EPHA6: variants seen among roughly 807,000 people sequenced by gnomAD.
EPHA6 encodes the protein EPH receptor A6.
Under a neutral mutation model 112.0 loss-of-function variants are expected in EPHA6, and 50 were observed. The ratio of observed to expected loss-of-function variants is 0.45; its 90% confidence interval spans 0.36 to 0.56. The LOEUF (loss-of-function observed/expected upper bound fraction) is 0.56. EPHA6 is among the 20% of genes least tolerant of loss of function. EPHA6 has a pLI of 0.00. For missense variants in EPHA6, 1,280 were observed against 1,417.4 expected (o/e 0.90, Z 1.56); for synonymous variants, 529 against 490.7 (o/e 1.08, Z -1.03).
At chr3:97,230,580 G>T (rs983479209) in intron 4 of EPHA6, among the ~76,000 whole-genome samples, 1 of 152,082 alleles carries the variant, frequency 6.6e-6, no homozygotes, top group African/African-American at 2.4e-5. Flanking sequence ...CTATAGGGCA[G>T]GAAAAATAAT....
chr3:97,358,097 C>T (rs2084177545), intron 5 of EPHA6, among the ~76,000 whole-genome samples: 1 of 152,148 alleles, frequency 6.6e-6, no homozygotes, highest in Admixed American at 6.6e-5. Context: ...TTTCAAGGGT[C>T]AACTGTACCT....
intron 3 of EPHA6, among the ~76,000 whole-genome samples, chr3:97,051,874 G>A (rs2045694627): frequency 1.3e-5 from 2 of 151,954 alleles, no homozygotes; most frequent in South Asian, 4.1e-4. Context: ...TATAGTCTGT[G>A]TATAAGACCA....
chr3:97,540,178 CTACCAACCTTAA>C (rs2092830072), intron 11 of EPHA6, among the ~76,000 whole-genome samples: 1 of 152,224 alleles, frequency 6.6e-6, no homozygotes, highest in African/African-American at 2.4e-5. Flanking sequence ...TTTCTCTCTT[CTACCAACCTTAA>C]TACTTTTTGC....
At chr3:97,660,747 A>G (rs1316534086) in intron 14 of EPHA6, among the ~76,000 whole-genome samples, 1 of 152,098 alleles carries the variant, frequency 6.6e-6, no homozygotes, top group Non-Finnish European at 1.5e-5. Flanking sequence ...TGACAAAGGG[A>G]TTACTTAAAA....
chr3:96,947,540 A>T (rs2041331028), intron 2 of EPHA6, among the ~76,000 whole-genome samples: 1 of 152,122 alleles, frequency 6.6e-6, no homozygotes, highest in South Asian at 2.1e-4. Flanking sequence ...ATTGGTCTAT[A>T]TCTCTGTTTT....
At chr3:97,581,384 A>T (rs2093436231) in intron 11 of EPHA6, among the ~76,000 whole-genome samples, 2 of 152,212 alleles carry the variant, frequency 1.3e-5, no homozygotes, top group Non-Finnish European at 2.9e-5. Flanking sequence ...TACATGTTGT[A>T]ACTCCCATTT....
intron 15 of EPHA6, among the ~76,000 whole-genome samples, chr3:97,728,293 G>A (rs2034874009): frequency 6.6e-6 from 1 of 151,716 alleles, no homozygotes; most frequent in Admixed American, 6.6e-5. Flanking sequence ...CTTGGGAAAT[G>A]GCACTAAGTC....
chr3:97,300,245 A>AAAAAAATTTATTG (rs2081038547), intron 5 of EPHA6, among the ~76,000 whole-genome samples: 1 of 152,192 alleles, frequency 6.6e-6, no homozygotes. Context: ...TGTCTTAAAA[A>AAAAAAATTTATTG]CAGTAAAAAA....
chr3:96,905,995 A>G (rs2107588092), intron 2 of EPHA6, among the ~76,000 whole-genome samples: 1 of 152,246 alleles, frequency 6.6e-6, no homozygotes, highest in South Asian at 2.1e-4. Flanking sequence ...TCTCAAAACT[A>G]TGGCAACAAC....
intron 11 of EPHA6, among the ~76,000 whole-genome samples, chr3:97,533,153 A>T (rs1188381030): frequency 6.6e-6 from 1 of 152,036 alleles, no homozygotes; most frequent in African/African-American, 2.4e-5. Context: ...ATTGCTATAT[A>T]TTCACTTTCA....
At chr3:97,327,837 G>GTA (rs113110868) in intron 5 of EPHA6, among the ~76,000 whole-genome samples, 86 of 144,910 alleles carry the variant, frequency 5.9e-4, no homozygotes, top group South Asian at 3.0e-3. Context: ...GTGTGTGTGT[G>GTA]TATATATATA....
At chr3:96,997,335 G>T (rs1377545661) in intron 3 of EPHA6, among the ~76,000 whole-genome samples, 1 of 151,948 alleles carries the variant, frequency 6.6e-6, no homozygotes, top group Non-Finnish European at 1.5e-5. Context: ...ATCACAACTT[G>T]GCTAACTCTG....
chr3:97,594,530 A>T (rs2093571041), intron 12 of EPHA6, among the ~76,000 whole-genome samples: 1 of 152,180 alleles, frequency 6.6e-6, no homozygotes, highest in Non-Finnish European at 1.5e-5. Context: ...TTCCTGGCTT[A>T]TATCATTTTG....
intron 5 of EPHA6, among the ~76,000 whole-genome samples, chr3:97,371,763 T>G (rs2085069059): frequency 6.6e-6 from 1 of 152,100 alleles, no homozygotes; most frequent in South Asian, 2.1e-4. Flanking sequence ...ATTCTTTTTC[T>G]CAGTAAGGAA....
At chr3:97,700,203 A>C (rs1431211367) in intron 14 of EPHA6, among the ~76,000 whole-genome samples, 2 of 152,198 alleles carry the variant, frequency 1.3e-5, no homozygotes, top group East Asian at 3.8e-4. Context: ...TATGAAGAAA[A>C]TGTGCTTCAA....
At chr3:97,715,115 A>C (rs1576339605) in intron 14 of EPHA6, among the ~76,000 whole-genome samples, 1 of 152,188 alleles carries the variant, frequency 6.6e-6, no homozygotes, top group African/African-American at 2.4e-5. Flanking sequence ...ATGTAACCTA[A>C]AGTGTGCTTG....
intron 15 of EPHA6, among the ~76,000 whole-genome samples, chr3:97,721,684 CACTTAG>C (rs1300892615): frequency 6.6e-6 from 1 of 152,200 alleles, no homozygotes; most frequent in Non-Finnish European, 1.5e-5. Flanking sequence ...ACCCCCGCAA[CACTTAG>C]ACTTTTTGGA....
intron 5 of EPHA6, among the ~76,000 whole-genome samples, chr3:97,351,178 A>T (rs138655534): frequency 6.6e-6 from 1 of 152,200 alleles, no homozygotes; most frequent in East Asian, 1.9e-4. Context: ...CGATTGAAAG[A>T]TATTAGTTGA....
At chr3:97,252,064 C>CT (rs2108599143) in intron 5 of EPHA6, among the ~76,000 whole-genome samples, 1 of 152,274 alleles carries the variant, frequency 6.6e-6, no homozygotes, top group Admixed American at 6.5e-5. Flanking sequence ...ATATACAAGT[C>CT]TTTTTTCTGT....
Sources: gnomAD v4.1 joint callset for allele counts (sites outside exome capture counted in the v4.1 genomes callset) on GRCh38, gnomAD v4.1.1 for gene constraint, MANE v1.5 for transcripts, NCBI Gene and HGNC (gene_info 2026-07-23, HGNC 2026-07-21) for gene names.